GCFC2: variants seen among roughly 807,000 people sequenced by gnomAD.
GCFC2 encodes the protein GC-rich sequence DNA-binding factor 2, also known as intron Large complex component GCFC2.
A neutral mutation model predicts 99.4 loss-of-function variants in GCFC2; 102 were observed. The observed-to-expected ratio is 1.03, with a 90% CI of 0.87 to 1.21. The LOEUF is 1.21. GCFC2 is among the 50% of genes most tolerant of loss of function. The pLI, the probability that GCFC2 is intolerant of heterozygous loss-of-function variation, is 0.00. For synonymous variants in GCFC2, 338 were observed against 316.8 expected (o/e 1.07, Z -0.71); for missense variants, 973 against 920.9 (o/e 1.06, Z -0.73).
At chr2:75,713,061 A>T (rs1158742621), upstream of GCFC2, among the ~76,000 whole-genome samples, 1 of 151,628 alleles carries the variant, frequency 6.6e-6, no homozygotes, top group Non-Finnish European at 1.5e-5. Flanking sequence ...TAGCCCCGGA[A>T]TTTTTTTTTC....
intron 4 of GCFC2, among the ~76,000 whole-genome samples, chr2:75,698,953 A>C (rs1680454980): frequency 1.3e-5 from 2 of 151,540 alleles, no homozygotes; most frequent in Admixed American, 6.6e-5. Flanking sequence ...TGGAGGTTGC[A>C]GTGAGCCGAG....
intron 11 of GCFC2, among the ~76,000 whole-genome samples, 177 bp from the exon 12 acceptor site, chr2:75,680,491 C>T (rs1261914426): frequency 6.6e-6 from 1 of 152,158 alleles, no homozygotes; most frequent in Non-Finnish European, 1.5e-5. Flanking sequence ...TCTTCTTGGG[C>T]TTTGTTAAAC....
chr2:75,662,957 T>C lies in GCFC2; in HGVS notation c.*1709A>G, dbSNP rs941562413. On this transcript the variant is annotated 3_prime_UTR_variant, in exon 17 of 17. Coordinates refer to ENST00000321027, the MANE Select transcript of GCFC2 (RefSeq NM_003203.5). Reference sequence around the variant, plus strand: ...GTACACATAGAAACACGTAACATTTTTGTAAATAGAGAAAAGGTCTAAAAG... The same window carrying C: ...GTACACATAGAAACACGTAACATTTCTGTAAATAGAGAAAAGGTCTAAAAG... 2.0e-5 allele frequency: 3 copies of C among 151,538 alleles called. No homozygotes were observed. Among genetic ancestry groups the C allele is most frequent in the Admixed American group, 1.3e-4 (2 of 15,220 alleles). 9.4% of individuals were successfully genotyped at this position (151,538 alleles called of 1,614,324 possible).
chr2:75,679,924 T>C (rs1221053266), intron 12 of GCFC2: 1 of 421,316 alleles, frequency 2.4e-6, no homozygotes, highest in African/African-American at 2.0e-5. Flanking sequence ...TGATTACCAC[T>C]CCTATCACAG....
intron 1 of GCFC2, among the ~76,000 whole-genome samples, chr2:75,708,998 T>C (rs1472636820): frequency 2.0e-5 from 3 of 152,222 alleles, no homozygotes; most frequent in Admixed American, 2.0e-4. Flanking sequence ...GAAACACCTA[T>C]GACAATTCAT....
At chr2:75,669,556 A>T (rs1678994705) in intron 15 of GCFC2, among the ~76,000 whole-genome samples, 1 of 152,088 alleles carries the variant, frequency 6.6e-6, no homozygotes, top group Non-Finnish European at 1.5e-5. Context: ...ATTTTACCTG[A>T]AATTTTTTTG....
rs41286005 is a variant in GCFC2, at chr2:75,690,035, G to A, written c.1273C>T (p.Gln425Ter). 1 of 1,609,342 alleles carries A rather than the reference G, an allele frequency of 6.2e-7. No homozygotes were observed. Among genetic ancestry groups the A allele is most frequent in the Non-Finnish European group, 8.5e-7 (1 of 1,177,418 alleles). ...TCATCATCACTAGATGTTCCTTCCT[G>A]ATGGTTACAATTCCCAGAAAGCACC... The part of the protein sequence containing the change: ...ARVLSGNCNH[Q>*]EGTSSDDELP... The change falls in exon 9 of 17, where the codon CAG becomes TAG. Residue 425 changes from glutamine (Q) to a stop codon, truncating the protein, a stop_gained. Coordinates refer to ENST00000321027, the MANE Select transcript of GCFC2 (RefSeq NM_003203.5). LOFTEE classifies it high-confidence loss of function.
chr2:75,670,338 T>G, intron 14 of GCFC2, 54 bp from the exon 15 acceptor site: 1 of 1,239,968 alleles, frequency 8.1e-7, no homozygotes, highest in Non-Finnish European at 1.2e-6. Flanking sequence ...GAAACTGTAA[T>G]AGTCTCTAAC....
intron 1 of GCFC2, among the ~76,000 whole-genome samples, chr2:75,707,122 G>A (rs1009088418): frequency 5.3e-5 from 8 of 152,092 alleles, no homozygotes; most frequent in Non-Finnish European, 1.2e-4. Context: ...ACACCAACTC[G>A]GGCAGTGGAG....
chr2:75,711,428 G>C (rs1681180377), upstream of GCFC2, among the ~76,000 whole-genome samples: 1 of 152,188 alleles, frequency 6.6e-6, no homozygotes, highest in African/African-American at 2.4e-5. Flanking sequence ...AAGAGAGCCT[G>C]GTTAAATGTT....
chr2:75,683,771 C>CAAAAAAAAAA (rs749580096), intron 11 of GCFC2, among the ~76,000 whole-genome samples: 20 of 60,390 alleles, frequency 3.3e-4, no homozygotes, highest in African/African-American at 7.8e-4. Context: ...AAATGGAAAG[C>CAAAAAAAAAA]AAAAAAAAAA....
At chr2:75,687,746 T>G (rs1311073759) in intron 11 of GCFC2, 81 bp downstream of exon 11, 23 of 1,083,084 alleles carry the variant, frequency 2.1e-5, no homozygotes, top group Non-Finnish European at 2.6e-5. Context: ...ATGAAAAAAC[T>G]TTGTGAATAT....
Position 75,689,186 on chromosome 2 carries a change from ACTT to A in GCFC2, c.1376_1378del (p.Glu459del), listed in dbSNP as rs1679944677. 1.9e-6 allele frequency: 3 copies of A among 1,603,732 alleles called. No individual in the cohort carries two copies. Among genetic ancestry groups the A allele is most frequent in the Non-Finnish European group, 2.6e-6 (3 of 1,173,640 alleles). ...CTGGATGTTACAAAAATCATCTTGCACTTCTTCAAAAACTTTCTTCTGTTTCTG... is the reference window on the plus strand; with the variant it reads ...CTGGATGTTACAAAAATCATCTTGCACTTCAAAAACTTTCTTCTGTTTCTG... On this transcript the variant is annotated inframe_deletion, in exon 10 of 17. Transcript: ENST00000321027.
Position 75,687,985 on chromosome 2 carries a change from AG to A in GCFC2, c.1540-9del, listed in dbSNP as rs750230054. On this transcript the variant is annotated splice_polypyrimidine_tract_variant and intron_variant, in intron 10 of 16. Transcript: ENST00000321027. The stretch of plus-strand genomic sequence containing the variant: ...TAAACCTGTGGATTCCAACTTACAA[AG>A]AAAATTACAAAAGTTATAAAGAAAT... 2.1e-4 allele frequency: 326 copies of A among 1,524,182 alleles called. No homozygotes were observed. Among genetic ancestry groups the A allele is most frequent in the Non-Finnish European group, 2.8e-4 (314 of 1,126,750 alleles). 94.4% of individuals were successfully genotyped at this position (1,524,182 alleles called of 1,614,324 possible). A position where few individuals can be genotyped will look rare whatever the true frequency, so the allele number is the denominator to read the frequency against.
At chr2:75,710,111 T>C (rs143295896) in intron 1 of GCFC2, among the ~76,000 whole-genome samples, 1 of 152,256 alleles carries the variant, frequency 6.6e-6, no homozygotes, top group East Asian at 1.9e-4. Flanking sequence ...AAATAACTGG[T>C]GAAAAAAGAA....
At chr2:75,681,546 T>A (rs933120427) in intron 11 of GCFC2, among the ~76,000 whole-genome samples, 1 of 151,662 alleles carries the variant, frequency 6.6e-6, no homozygotes, top group Non-Finnish European at 1.5e-5. Flanking sequence ...TTTTTTTTAA[T>A]TTTTATTTTT....
Position 75,690,070 on chromosome 2 carries a change from CTTCT to C in GCFC2, c.1234_1237del (p.Arg412AspfsTer27), listed in dbSNP as rs972713372. 11 of 1,599,058 alleles carry C rather than the reference CTTCT, an allele frequency of 6.9e-6. No homozygotes were observed. Among genetic ancestry groups the C allele is most frequent in the Non-Finnish European group, 8.6e-6 (10 of 1,169,270 alleles). On this transcript the variant is annotated frameshift_variant, in exon 9 of 17. Coordinates refer to ENST00000321027, the MANE Select transcript of GCFC2 (RefSeq NM_003203.5). LOFTEE classifies it high-confidence loss of function. ...ATTCCCAGAAAGCACCCTTGCTTGT[CTTCT>C]TTTTGTCCTATATTTTGCAACAAAC... is the stretch of plus-strand genomic sequence containing the variant.
At chr2:75,673,611 C>G in intron 12 of GCFC2, 91 bp from the exon 13 acceptor site, 1 of 665,556 alleles carries the variant, frequency 1.5e-6, no homozygotes, top group Non-Finnish European at 2.7e-6. Context: ...ACAAATTTAT[C>G]CACACTCACA....
intron 6 of GCFC2, among the ~76,000 whole-genome samples, chr2:75,693,459 A>G (rs1272522891): frequency 6.6e-6 from 1 of 152,142 alleles, no homozygotes; most frequent in Non-Finnish European, 1.5e-5. Context: ...AAAAATAAAT[A>G]AAATAAAAAT....
Sources: allele counts gnomAD v4.1 joint callset (sites outside exome capture counted in the v4.1 genomes callset), GRCh38; gene constraint gnomAD v4.1.1; transcripts MANE v1.5; gene names NCBI Gene and HGNC (gene_info 2026-07-23, HGNC 2026-07-21).